Variants in MAP3K4 observed in about 807,000 individuals in gnomAD.
MAP3K4 encodes MAP three kinase 1.
A neutral mutation model predicts 185.6 loss-of-function variants in MAP3K4; 67 were observed. The observed-to-expected ratio is 0.36, with a 90% CI of 0.30 to 0.44. The LOEUF (loss-of-function observed/expected upper bound fraction) is 0.44, where lower values mean the gene tolerates loss of function less well. Ranked by LOEUF, MAP3K4 falls within the 20% of genes least tolerant of loss-of-function variation. The pLI is 1.00. For synonymous variants in MAP3K4, 702 were observed against 710.4 expected, an observed-to-expected ratio of 0.99 and a Z score of 0.19; for missense variants, 1,551 against 1,995.1, an observed-to-expected ratio of 0.78 and a Z score of 4.24.
rs1783092416 is a variant in MAP3K4, at chr6:161,034,891, G to A, written c.343+442G>A. On this transcript the variant is annotated intron_variant, in intron 2 of 26. Transcript: ENST00000392142. The surrounding 1 kb of genome is among the most constrained non-coding windows in gnomAD (Gnocchi z 4.4). ...CTCTGCTCTCTGCTGGTGCCCCGGG[G>A]TGCTATCTTTAGTGTGTAGGGCTCT... is the stretch of plus-strand genomic sequence containing the variant. 6.6e-6 allele frequency among the ~76,000 whole-genome samples: 1 copy of A among 152,118 alleles called. No individual in the cohort carries two copies. The highest frequency in any genetic ancestry group is 1.5e-5 in the Non-Finnish European group (1 of 68,030).
chr6:161,113,442 A>T (rs1249323161), intron 25 of MAP3K4, among the ~76,000 whole-genome samples: 4 of 152,236 alleles, frequency 2.6e-5, no homozygotes, highest in Non-Finnish European at 5.9e-5. Flanking sequence ...GGATACACTG[A>T]TGATAGATAC....
rs1245899528 is a variant in MAP3K4 at position 161,097,350 on chromosome 6, C to T, written c.3524+174C>T. Reference sequence around the variant, plus strand: ...AACCTTTAGTCGCAAAAGAAAAAGACATGCAAATTTAAAACAGACCTGTGC... The same window carrying T: ...AACCTTTAGTCGCAAAAGAAAAAGATATGCAAATTTAAAACAGACCTGTGC... On this transcript the variant is annotated intron_variant, in intron 16 of 26. Transcript: ENST00000392142. The surrounding 1 kb of genome is among the most constrained non-coding windows in gnomAD (Gnocchi z 4.9). 2.6e-5 allele frequency among the ~76,000 whole-genome samples: 4 copies of T among 152,210 alleles called. No individual in the cohort carries two copies. Among genetic ancestry groups the T allele is most frequent in the Non-Finnish European group, 4.4e-5 (3 of 68,042 alleles).
rs1212750411 is a variant in MAP3K4, at chr6:161,091,979, T to A, written c.3136-31T>A. ...TGATATTATTTAATGATCATTTCCT[T>A]AATGTTGATATACATGAAATCTTCT... On this transcript the variant is annotated intron_variant, in intron 12 of 26. Transcript: ENST00000392142. This position sits in a 1 kb window ranked among gnomAD's most constrained non-coding sequence, Gnocchi z 5.5. The A allele has an allele frequency of 1.3e-6, 2 of 1,576,038 alleles. No individual in the cohort carries two copies. Among genetic ancestry groups the A allele is most frequent in the Non-Finnish European group, 1.7e-6 (2 of 1,146,194 alleles).
At position 161,108,600 on chromosome 6, in the gene MAP3K4, T is replaced by C. The variant is rs1778211061; in HGVS notation, c.4120-143T>C. The C allele has an allele frequency of 1.6e-6, 1 of 638,554 alleles. No homozygotes were observed. Among genetic ancestry groups the C allele is most frequent in the Non-Finnish European group, 2.8e-6 (1 of 360,048 alleles). 39.6% of individuals were successfully genotyped at this position (638,554 alleles called of 1,614,324 possible). A position where few individuals can be genotyped will look rare whatever the true frequency, so the allele number is the denominator to read the frequency against. ...CACTCTAGCTTGGCTAAAAACTTCC[T>C]TTTTACTTAATTTTTTGTTGTTTTT... On this transcript the variant is annotated intron_variant, in intron 21 of 26. Coordinates refer to ENST00000392142, the MANE Select transcript of MAP3K4 (RefSeq NM_005922.4). The surrounding 1 kb of genome is among the most constrained non-coding windows in gnomAD (Gnocchi z 5.7).
At chr6:161,069,569 A>G (rs1345180799) in intron 3 of MAP3K4, among the ~76,000 whole-genome samples, 1 of 152,122 alleles carries the variant, frequency 6.6e-6, no homozygotes, top group Non-Finnish European at 1.5e-5. Context: ...CATATTTGGT[A>G]GATGAGCAGG....
chr6:161,003,952 C>T (rs1781453823), intron 1 of MAP3K4, among the ~76,000 whole-genome samples: 2 of 151,204 alleles, frequency 1.3e-5, no homozygotes, highest in Non-Finnish European at 3.0e-5. Flanking sequence ...AAGAGTTAAT[C>T]TTTACTGGGA....
Position 161,049,523 on chromosome 6 carries a change from G to A in MAP3K4, c.1251G>A (p.Lys417=). ...LRIMGTVLGI[K]NLSDIGWPVF... ...TTATGGGCACTGTTTTGGGCATCAA[G>A]AATTTATCAGACATTGGCTGGCCAG... Residue 417 remains lysine, a synonymous_variant, in exon 3 of 27, where the codon AAG becomes AAA. Transcript: ENST00000392142. The surrounding 1 kb of genome is among the most constrained non-coding windows in gnomAD (Gnocchi z 8.4). 4 of 1,614,198 alleles carry A rather than the reference G, an allele frequency of 2.5e-6. No homozygotes were observed. The highest frequency in any genetic ancestry group is 2.5e-6 in the Non-Finnish European group (3 of 1,180,026).
chr6:161,065,244 A>G (rs1784655613), intron 3 of MAP3K4, among the ~76,000 whole-genome samples: 1 of 152,224 alleles, frequency 6.6e-6, no homozygotes, highest in Non-Finnish European at 1.5e-5. Context: ...TTCAAAGTGC[A>G]TACCAAGGCA....
At chr6:161,010,307 T>C (rs1781786737) in intron 1 of MAP3K4, among the ~76,000 whole-genome samples, 1 of 152,330 alleles carries the variant, frequency 6.6e-6, no homozygotes, top group Middle Eastern at 3.4e-3. Context: ...TAAAATTGTA[T>C]GCTTATCATA....
chr6:160,999,396 T>C lies in MAP3K4; in HGVS notation c.152+7313T>C, dbSNP rs146995430. ...TAAAAATGTAGATATAACTTGGTTTTCTCACACAATTTTTGGAGTTAGTTA... is the reference window on the plus strand; with the variant it reads ...TAAAAATGTAGATATAACTTGGTTTCCTCACACAATTTTTGGAGTTAGTTA... On this transcript the variant is annotated intron_variant, in intron 1 of 26. Coordinates refer to ENST00000392142, the MANE Select transcript of MAP3K4 (RefSeq NM_005922.4). Among the ~76,000 whole-genome samples the C allele has an allele frequency of 8.5e-3, 1,289 of 152,352 alleles. 18 individuals are homozygous for C. Among genetic ancestry groups the C allele is most frequent in the African/African-American group, 0.029 (1,208 of 41,580 alleles).
rs564631919 is a variant in MAP3K4 at position 161,034,567 on chromosome 6, G to A, written c.343+118G>A. 10 of 729,570 alleles carry A rather than the reference G, an allele frequency of 1.4e-5. No individual in the cohort carries two copies. In the Admixed American group the frequency reaches 4.1e-4, roughly 30 times the overall value. 45.2% of individuals were successfully genotyped at this position (729,570 alleles called of 1,614,324 possible). On this transcript the variant is annotated intron_variant, in intron 2 of 26. Transcript: ENST00000392142. The surrounding 1 kb of genome is among the most constrained non-coding windows in gnomAD (Gnocchi z 4.4). ...AATTTGATTTTAATGCTCCTGTAAA[G>A]TTCAATTTTTTTTTGAATTATTACC...
In MAP3K4 at chr6:161,053,786, G is replaced by T. The variant is rs970329271; in HGVS notation, c.1707+3807G>T. On this transcript the variant is annotated intron_variant, in intron 3 of 26. Coordinates refer to ENST00000392142, the MANE Select transcript of MAP3K4 (RefSeq NM_005922.4). This position sits in a 1 kb window ranked among gnomAD's most constrained non-coding sequence, Gnocchi z 4.2. ...TTTTGTGTTTTTAATAGAGACGGGG[G>T]TTTCACCATGTTGGCCAGGCTAGTC... Among the ~76,000 whole-genome samples, 1 of 151,950 alleles carries T rather than the reference G, an allele frequency of 6.6e-6. No individual in the cohort carries two copies. The highest frequency in any genetic ancestry group is 2.4e-5 in the African/African-American group (1 of 41,366).
chr6:160,994,235 C>T (rs985700915), intron 1 of MAP3K4, among the ~76,000 whole-genome samples: 2 of 151,748 alleles, frequency 1.3e-5, no homozygotes, highest in Non-Finnish European at 2.9e-5. Flanking sequence ...GATTTTGGTG[C>T]ACCTGTCACC....
intron 11 of MAP3K4, among the ~76,000 whole-genome samples, chr6:161,090,508 G>A (rs1453663637): frequency 1.3e-5 from 2 of 148,854 alleles, no homozygotes; most frequent in Non-Finnish European, 3.0e-5. Flanking sequence ...CGTAACTCTT[G>A]GTCGTGGAGG....
chr6:161,038,944 TA>T (rs1783308847), intron 2 of MAP3K4, among the ~76,000 whole-genome samples: 1 of 152,228 alleles, frequency 6.6e-6, no homozygotes, highest in Non-Finnish European at 1.5e-5. Flanking sequence ...TCCTCATGGC[TA>T]GCCCAGGGTG....
At chr6:161,012,857 G>A (rs1045417541) in intron 1 of MAP3K4, among the ~76,000 whole-genome samples, 36 of 152,258 alleles carry the variant, frequency 2.4e-4, no homozygotes, top group African/African-American at 8.7e-4. Context: ...AATGTATTGT[G>A]AGCATTTGGC....
Position 161,114,856 on chromosome 6 carries a change from A to C in MAP3K4, c.4627-267A>C. Among the ~76,000 whole-genome samples the C allele has an allele frequency of 6.6e-6, 1 of 152,128 alleles. No individual in the cohort carries two copies. The highest frequency in any genetic ancestry group is 1.9e-4 in the East Asian group (1 of 5,200). On this transcript the variant is annotated intron_variant, in intron 25 of 26. Transcript: ENST00000392142. The surrounding 1 kb of genome is among the most constrained non-coding windows in gnomAD (Gnocchi z 4.3). ...ATGGAGTAGGCAAACTATGCTGGCC[A>C]CCTGTTTTATAAATAAAGTTTTGTT... is the stretch of plus-strand genomic sequence containing the variant.
intron 13 of MAP3K4, 149 bp downstream of exon 13, chr6:161,092,292 T>C (rs1375787977): frequency 3.3e-6 from 3 of 916,440 alleles, no homozygotes; most frequent in Admixed American, 5.6e-5. Flanking sequence ...AATGGAAAAA[T>C]ATGTAGAGAA....
chr6:161,101,664 G>A lies in MAP3K4; in HGVS notation c.3675-228G>A. The A allele has an allele frequency of 2.2e-6, 1 of 462,970 alleles. No individual in the cohort carries two copies. The highest frequency in any genetic ancestry group is 3.8e-5 in the East Asian group (1 of 26,054). The allele number at this position is 462,970 out of a possible 1,614,324, so 28.7% of individuals were successfully genotyped here. ...AGAGGACGGTCTCCACAGCAGCGCT[G>A]TTCACTTAGGGGGCTGATTCTGGTG... On this transcript the variant is annotated intron_variant, in intron 17 of 26. Coordinates refer to ENST00000392142, the MANE Select transcript of MAP3K4 (RefSeq NM_005922.4). This position sits in a 1 kb window ranked among gnomAD's most constrained non-coding sequence, Gnocchi z 5.1.
Sources: allele counts gnomAD v4.1 joint callset (sites outside exome capture counted in the v4.1 genomes callset), GRCh38; gene constraint gnomAD v4.1.1; non-coding constraint Gnocchi (gnomAD v3.1); transcripts MANE v1.5; gene names NCBI Gene and HGNC (gene_info 2026-07-23, HGNC 2026-07-21).